Variants in TMEM268 observed in about 807,000 individuals in gnomAD.
TMEM268 encodes the protein transmembrane protein C9orf91.
A neutral mutation model predicts 39.1 loss-of-function variants in TMEM268; 24 were observed. The ratio of observed to expected loss-of-function variants is 0.61; its 90% CI spans 0.44 to 0.86. TMEM268 has a LOEUF of 0.86. Ranked by LOEUF, TMEM268 falls within the 40% of genes least tolerant of loss-of-function variation. The pLI is 0.00. For missense variants in TMEM268, 409 were observed against 428.6 expected (o/e 0.95, Z 0.40); for synonymous variants, 176 against 173.5 (o/e 1.01, Z -0.12).
At chr9:114,617,045 T>A (rs1473432560) in intron 1 of TMEM268, 73 bp from the exon 2 acceptor site, 1 of 558,472 alleles carries the variant, frequency 1.8e-6, no homozygotes, top group Admixed American at 3.7e-5. Context: ...ACTTTGGCCC[T>A]GGAGACAGCC....
chr9:114,608,066 C>T (rs549627421), upstream of TMEM268, among the ~76,000 whole-genome samples: 30 of 152,298 alleles, frequency 2.0e-4, no homozygotes, highest in Non-Finnish European at 3.1e-4. Flanking sequence ...CTGAAGTCTG[C>T]TTTCCAGCAC....
At chr9:114,627,962 C>CATCA in intron 4 of TMEM268, 139 bp from the exon 5 acceptor site, 1 of 858,978 alleles carries the variant, frequency 1.2e-6, no homozygotes. Flanking sequence ...CAGGTGACTG[C>CATCA]ATCAATCTCT....
chr9:114,618,695 C>A (rs1845830798), intron 2 of TMEM268, among the ~76,000 whole-genome samples: 1 of 152,052 alleles, frequency 6.6e-6, no homozygotes, highest in South Asian at 2.1e-4. Flanking sequence ...AATTTCCATT[C>A]ATTCTTCAGA....
intron 6 of TMEM268, among the ~76,000 whole-genome samples, chr9:114,635,016 A>G (rs114907220): frequency 0.024 from 3,653 of 152,160 alleles, 135 homozygotes; most frequent in African/African-American, 0.083. Context: ...GTGGCTTGAC[A>G]TGTGTTAGAT....
chr9:114,611,646 C>A (rs928570800), intron 1 of TMEM268, 82 bp downstream of exon 1: 2 of 152,982 alleles, frequency 1.3e-5, no homozygotes, highest in Admixed American at 6.6e-5. Flanking sequence ...CGGGAAGCAG[C>A]CTGGGCGCCT....
At chr9:114,626,313 G>A (rs1237753020) in intron 3 of TMEM268, among the ~76,000 whole-genome samples, 2 of 152,088 alleles carry the variant, frequency 1.3e-5, no homozygotes, top group South Asian at 2.1e-4. Context: ...TACTCTCACG[G>A]GGCCTTTATA....
Position 114,617,222 on chromosome 9 carries a change from G to A in TMEM268, c.27G>A (p.Pro9=), listed in dbSNP as rs769626474. The part of the protein sequence containing the change: MACEPQVD[P]GATGPLPPSS... ...TGGCCTGTGAACCACAGGTGGACCC[G>A]GGGGCCACTGGCCCATTGCCCCCCT... is the stretch of plus-strand genomic sequence containing the variant. The change falls in exon 2 of 9, where the codon CCG becomes CCA. Residue 9 remains proline (P), a synonymous_variant. Coordinates refer to ENST00000288502, the MANE Select transcript of TMEM268 (RefSeq NM_153045.4). The A allele has an allele frequency of 2.3e-5, 37 of 1,608,256 alleles. No individual in the cohort carries two copies. In the Middle Eastern group the frequency reaches 5.0e-4, roughly 22 times the overall value.
intron 2 of TMEM268, among the ~76,000 whole-genome samples, chr9:114,617,917 C>G (rs1845798676): frequency 6.6e-6 from 1 of 151,170 alleles, no homozygotes; most frequent in African/African-American, 2.4e-5. Flanking sequence ...CACTCTGTTG[C>G]CCAGGTTGGA....
chr9:114,634,684 G>C (rs1846553120), intron 6 of TMEM268, among the ~76,000 whole-genome samples: 1 of 152,144 alleles, frequency 6.6e-6, no homozygotes, highest in African/African-American at 2.4e-5. Flanking sequence ...AGGTGTGCAC[G>C]GGGGACCTGG....
chr9:114,605,828 G>T, the TMEM268 span, among the ~76,000 whole-genome samples: 1 of 151,970 alleles, frequency 6.6e-6, no homozygotes, highest in Admixed American at 6.6e-5. Context: ...TACTTGTGGG[G>T]GCTAAAGCAG....
chr9:114,636,234 C>G (rs1235832509), intron 6 of TMEM268, among the ~76,000 whole-genome samples: 1 of 152,130 alleles, frequency 6.6e-6, no homozygotes, highest in Non-Finnish European at 1.5e-5. Context: ...GAAGGGGAGG[C>G]ACAGGTGGGG....
Position 114,645,890 on chromosome 9 carries a change from T to C in TMEM268, c.*2577T>C, listed in dbSNP as rs1332699723. On this transcript the variant is annotated 3_prime_UTR_variant, in exon 9 of 9. Coordinates refer to ENST00000288502, the MANE Select transcript of TMEM268 (RefSeq NM_153045.4). ...CCTATGATCTCTGTCTCACCTACTT[T>C]ACAGGGTTGCTGTGAAGATCGCATA... The C allele has an allele frequency of 6.6e-6, 1 of 152,260 alleles. No individual in the cohort carries two copies. Among genetic ancestry groups the C allele is most frequent in the Non-Finnish European group, 1.5e-5 (1 of 68,046 alleles). The allele number at this position is 152,260 out of a possible 1,614,324, so 9.4% of individuals were successfully genotyped here. A position where few individuals can be genotyped will look rare whatever the true frequency, so the allele number is the denominator to read the frequency against.
In TMEM268 at chr9:114,618,132, C is replaced by G. The variant is rs201457501; in HGVS notation, c.106+831C>G. 2.0e-5 allele frequency among the ~76,000 whole-genome samples: 3 copies of G among 151,982 alleles called. No individual in the cohort carries two copies. In the East Asian group the frequency reaches 5.9e-4, roughly 30 times the overall value. On this transcript the variant is annotated intron_variant, in intron 2 of 8. Coordinates refer to ENST00000288502, the MANE Select transcript of TMEM268 (RefSeq NM_153045.4). Reference sequence around the variant, plus strand: ...CCTCAGGTGATCCGCCCACCTTGGGCTCCCAAAGTGCTGGGATTACAGGCG... The same window carrying G: ...CCTCAGGTGATCCGCCCACCTTGGGGTCCCAAAGTGCTGGGATTACAGGCG...
chr9:114,609,204 G>A (rs1274625753), upstream of TMEM268, among the ~76,000 whole-genome samples: 2 of 152,078 alleles, frequency 1.3e-5, no homozygotes, highest in Non-Finnish European at 2.9e-5. Flanking sequence ...CCAGCTACTC[G>A]GGAGGCTGAG....
chr9:114,638,326 G>A lies in TMEM268; in HGVS notation c.667-218G>A, dbSNP rs143219006. On this transcript the variant is annotated intron_variant, in intron 7 of 8. Transcript: ENST00000288502. Reference sequence around the variant, plus strand: ...CAAAGTGCTGGGATTACAGGCATGAGCCACCATGCCTGGTTATAAAAGGAA... The same window carrying A: ...CAAAGTGCTGGGATTACAGGCATGAACCACCATGCCTGGTTATAAAAGGAA... Among the ~76,000 whole-genome samples the A allele has an allele frequency of 3.8e-3, 582 of 152,352 alleles. 24 individuals are homozygous for A. In the East Asian group the frequency reaches 0.057, roughly 15 times the overall value.
At chr9:114,637,971 A>G (rs1027693909) in intron 7 of TMEM268, among the ~76,000 whole-genome samples, 8 of 152,180 alleles carry the variant, frequency 5.3e-5, no homozygotes, top group African/African-American at 1.7e-4. Flanking sequence ...CAGTTTATTC[A>G]TTTGCAACAT....
chr9:114,624,977 A>G (rs62578858), intron 3 of TMEM268, among the ~76,000 whole-genome samples: 14,645 of 152,226 alleles, frequency 0.096, 803 homozygotes, highest in Middle Eastern at 0.15. Context: ...GACTGCATAT[A>G]CAAGGGAAAG....
At chr9:114,640,030 G>A (rs1589362683) in intron 8 of TMEM268, among the ~76,000 whole-genome samples, 1 of 150,816 alleles carries the variant, frequency 6.6e-6, no homozygotes, top group East Asian at 2.0e-4. Context: ...GATCACAGGT[G>A]TGAGCACTGT....
At chr9:114,633,116 C>T (rs1223576182) in intron 5 of TMEM268, among the ~76,000 whole-genome samples, 2 of 152,146 alleles carry the variant, frequency 1.3e-5, no homozygotes, top group African/African-American at 4.8e-5. Context: ...TCGCCTCACC[C>T]TCCCAAGTAG....
Sources: allele counts gnomAD v4.1 joint callset (sites outside exome capture counted in the v4.1 genomes callset), GRCh38; gene constraint gnomAD v4.1.1; transcripts MANE v1.5; gene names NCBI Gene and HGNC (gene_info 2026-07-23, HGNC 2026-07-21).